LOXHD1: variants seen among roughly 807,000 people sequenced by gnomAD.
LOXHD1 encodes the protein lipoxygenase homology domain-containing protein 1.
Under a neutral mutation model 248.2 loss-of-function variants are expected in LOXHD1, and 205 were observed. The ratio of observed to expected loss-of-function variants is 0.83; its 90% CI spans 0.74 to 0.93. The LOEUF (loss-of-function observed/expected upper bound fraction) is 0.93. LOXHD1 is among the 40% of genes least tolerant of loss of function. The pLI, the probability that LOXHD1 is intolerant of heterozygous loss-of-function variation, is 0.00. For missense variants in LOXHD1, 2,930 were observed against 2,971.6 expected (o/e 0.99, Z 0.33); for synonymous variants, 1,113 against 1,162.8 (o/e 0.96, Z 0.87).
intron 29 of LOXHD1, among the ~76,000 whole-genome samples, chr18:46,525,827 T>C (rs529420790): frequency 2.0e-5 from 3 of 152,010 alleles, no homozygotes; most frequent in Admixed American, 6.5e-5. Flanking sequence ...ATGAATAGAA[T>C]AGGATGCCCT....
At chr18:46,594,549 A>C (rs969390828) in intron 8 of LOXHD1, 83 bp from the exon 9 acceptor site, 7 of 1,462,760 alleles carry the variant, frequency 4.8e-6, no homozygotes, top group Non-Finnish European at 6.5e-6. Context: ...TCCCAGCCCC[A>C]CATTTAGAGA....
At chr18:46,543,169 C>T (rs1297778576) in intron 23 of LOXHD1, among the ~76,000 whole-genome samples, 3 of 152,102 alleles carry the variant, frequency 2.0e-5, no homozygotes, top group Non-Finnish European at 2.9e-5. Context: ...CATCCCCTTC[C>T]CAACCTTCCC....
intron 12 of LOXHD1, among the ~76,000 whole-genome samples, chr18:46,589,305 C>G (rs79065169): frequency 6.6e-6 from 1 of 152,186 alleles, no homozygotes; most frequent in Non-Finnish European, 1.5e-5. Context: ...GTTACCTCCT[C>G]CTCCCTGCTC....
At chr18:46,556,673 A>T in intron 21 of LOXHD1, 1 of 161,854 alleles carries the variant, frequency 6.2e-6, no homozygotes, top group South Asian at 1.3e-4. Context: ...CTCAGATGTC[A>T]TCCAGTCCAC....
chr18:46,569,590 C>G lies in LOXHD1; in HGVS notation c.2096G>C (p.Ser699Thr), dbSNP rs755207410. 3 of 1,551,724 alleles carry G rather than the reference C, an allele frequency of 1.9e-6. No individual in the cohort carries two copies. Among genetic ancestry groups the G allele is most frequent in the South Asian group, 2.4e-5 (2 of 84,056 alleles). The change falls in exon 16 of 41, where the codon AGC becomes ACC. Residue 699 changes from serine (S) to threonine (T), a missense_variant. Physicochemically the swap from Ser to Thr is moderately conservative, Grantham distance 58. Coordinates refer to ENST00000642948, the MANE Select transcript of LOXHD1 (RefSeq NM_001384474.1). ...SLKTGDVSGA[S>T]TDSRVYIKLY... ...CTTGATGTAGACTCTAGAATCCGTG[C>G]TGGCCCCAGAGACATCCCCAGTCTT...
chr18:46,593,701 G>C lies in LOXHD1; in HGVS notation c.1330C>G (p.Pro444Ala). The change falls in exon 10 of 41, where the codon CCC becomes GCC. Residue 444 changes from proline to alanine, a missense_variant. Coordinates refer to ENST00000642948, the MANE Select transcript of LOXHD1 (RefSeq NM_001384474.1). ...TGCCCATAAATCTGGATGAAGATGG[G>C]AGAGTTGGTACCAGCTTTCTTTAGG... is the stretch of plus-strand genomic sequence containing the variant. ...TDLKKAGTNSPIFIQIYGQKG... is the reference protein window; with the variant it reads ...TDLKKAGTNSAIFIQIYGQKG... The C allele has an allele frequency of 6.4e-7, 1 of 1,552,274 alleles. No homozygotes were observed. The highest frequency in any genetic ancestry group is 8.7e-7 in the Non-Finnish European group (1 of 1,147,104).
chr18:46,559,585 G>A lies in LOXHD1; in HGVS notation c.3079C>T (p.Gln1027Ter). Residue 1027 changes from glutamine to a stop codon, truncating the protein, a stop_gained, in exon 20 of 41, where the codon CAG becomes TAG. Transcript: ENST00000642948. LOFTEE classifies it high-confidence loss of function. ...PGPERNTYEVQVVTGNVPKAG... is the reference protein window; with the variant it reads ...PGPERNTYEV ...TTGGGCACATTCCCCGTGACCACCT[G>A]AACCTCATAGGTGTTTCCTGTAGAC... 1.3e-6 allele frequency: 2 copies of A among 1,551,812 alleles called. No individual in the cohort carries two copies.
rs977848334 is a variant in LOXHD1, at chr18:46,518,207, G to A, written c.5321C>T (p.Thr1774Ile). The A allele has an allele frequency of 6.4e-6, 10 of 1,551,676 alleles. No individual in the cohort carries two copies. In the South Asian group the frequency reaches 1.1e-4, roughly 17 times the overall value. Residue 1774 changes from threonine to isoleucine, a missense_variant, in exon 34 of 41, where the codon ACT becomes ATT. By Grantham distance (89) the Thr-to-Ile change is moderately conservative. Transcript: ENST00000642948. ...GAGGGTCATGAAGATGTTGGAGTCAGTGCCCCCGCCAACCACATCCCCTGT... is the reference window on the plus strand; with the variant it reads ...GAGGGTCATGAAGATGTTGGAGTCAATGCCCCCGCCAACCACATCCCCTGT... ...VWTGDVVGGG[T>I]DSNIFMTLYG...
intron 14 of LOXHD1, among the ~76,000 whole-genome samples, chr18:46,575,692 C>T (rs951544114): frequency 2.0e-5 from 3 of 152,128 alleles, no homozygotes; most frequent in Admixed American, 6.5e-5. Flanking sequence ...GCCTGGCTGA[C>T]ACCTTGATTT....
At chr18:46,546,709 ATG>A (rs753649104) in intron 22 of LOXHD1, among the ~76,000 whole-genome samples, 184 bp downstream of exon 22, 8 of 152,164 alleles carry the variant, frequency 5.3e-5, no homozygotes, top group Non-Finnish European at 1.2e-4. Flanking sequence ...TACACTAGAT[ATG>A]TGAGACTATG....
intron 37 of LOXHD1, among the ~76,000 whole-genome samples, chr18:46,497,406 T>C (rs1302097040): frequency 6.6e-6 from 1 of 152,206 alleles, no homozygotes; most frequent in African/African-American, 2.4e-5. Context: ...GTCACGTTTT[T>C]GCATAGTAGA....
At chr18:46,555,690 C>T (rs559804829) in intron 21 of LOXHD1, among the ~76,000 whole-genome samples, 5 of 152,306 alleles carry the variant, frequency 3.3e-5, no homozygotes, top group African/African-American at 1.2e-4. Context: ...CCACTCCACT[C>T]ATACAAGGGG....
intron 21 of LOXHD1, among the ~76,000 whole-genome samples, chr18:46,552,638 C>T (rs1377735220): frequency 6.6e-6 from 1 of 152,160 alleles, no homozygotes; most frequent in Non-Finnish European, 1.5e-5. Context: ...AGCTTTATAT[C>T]TTCTCCCAAT....
intron 37 of LOXHD1, 80 bp from the exon 38 acceptor site, chr18:46,489,222 T>C (rs1356102097): frequency 3.5e-6 from 5 of 1,440,956 alleles, no homozygotes; most frequent in African/African-American, 2.8e-5. Flanking sequence ...CCACAACCCA[T>C]TGGCTGTGTG....
Position 46,507,607 on chromosome 18 carries a change from C to T in LOXHD1, c.5623G>A (p.Val1875Ile), listed in dbSNP as rs367623969. 85 of 1,551,744 alleles carry T rather than the reference C, an allele frequency of 5.5e-5. No homozygotes were observed. The highest frequency in any genetic ancestry group is 1.7e-4 in the Middle Eastern group (1 of 5,992). The change falls in exon 36 of 41, where the codon GTT (valine) becomes ATT (isoleucine). Residue 1875 changes from valine to isoleucine, a missense_variant. Physicochemically the swap from Val to Ile is conservative, Grantham distance 29. Transcript: ENST00000642948. ...KKTLVCEMCA[V>I]IDEEEMMEWT... ...TCCATCATTTCTTCCTCATCGATAACGGCACACATTTCACACACCAGGGTC... is the reference window on the plus strand; with the variant it reads ...TCCATCATTTCTTCCTCATCGATAATGGCACACATTTCACACACCAGGGTC...
intron 27 of LOXHD1, among the ~76,000 whole-genome samples, 199 bp downstream of exon 27, chr18:46,534,136 C>T (rs1874234316): frequency 6.6e-6 from 1 of 152,102 alleles, no homozygotes; most frequent in Non-Finnish European, 1.5e-5. Context: ...TCCTCCTCAA[C>T]CACGAAACCA....
chr18:46,648,322 G>T (rs191852968), intron 2 of LOXHD1, among the ~76,000 whole-genome samples: 8 of 152,206 alleles, frequency 5.3e-5, no homozygotes, highest in Admixed American at 3.3e-4. Flanking sequence ...GGGGTTTAAG[G>T]ACGAGCTTCA....
intron 19 of LOXHD1, 59 bp downstream of exon 19, chr18:46,560,024 C>G: frequency 6.6e-7 from 1 of 1,509,422 alleles, no homozygotes; most frequent in Non-Finnish European, 8.9e-7. Flanking sequence ...CAGTGGGCCC[C>G]CTTTAGGGGA....
chr18:46,482,636 C>G (rs768898134), intron 40 of LOXHD1, among the ~76,000 whole-genome samples: 1 of 152,214 alleles, frequency 6.6e-6, no homozygotes, highest in African/African-American at 2.4e-5. Context: ...ATCCAGGGAG[C>G]TGCAGGTTGG....
Sources: allele counts gnomAD v4.1 joint callset (sites outside exome capture counted in the v4.1 genomes callset), GRCh38; gene constraint gnomAD v4.1.1; transcripts MANE v1.5; gene names NCBI Gene and HGNC (gene_info 2026-07-23, HGNC 2026-07-21).